Variants in GRM7 observed in about 807,000 individuals in gnomAD.
GRM7 encodes glutamate metabotropic receptor 7, also known as metabotropic glutamate receptor 7.
A neutral mutation model predicts 84.5 loss-of-function variants in GRM7; 35 were observed. The observed-to-expected ratio is 0.41, with a 90% CI of 0.32 to 0.55. The LOEUF (loss-of-function observed/expected upper bound fraction) is 0.55, where lower values mean the gene tolerates loss of function less well. Among genes scored for constraint, GRM7 ranks in the 20% least tolerant of loss-of-function variants. The pLI is 0.19. For missense variants in GRM7, 1,003 were observed against 1,194.6 expected (o/e 0.84, Z 2.36); for synonymous variants, 487 against 455.1 (o/e 1.07, Z -0.89).
intron 2 of GRM7, among the ~76,000 whole-genome samples, chr3:7,210,382 G>A (rs760467270): frequency 2.0e-5 from 3 of 152,180 alleles, no homozygotes; most frequent in Non-Finnish European, 2.9e-5. Flanking sequence ...TGCTGATGAG[G>A]CTTGTAATAT....
intron 8 of GRM7, among the ~76,000 whole-genome samples, chr3:7,594,359 T>C (rs147705663): frequency 6.6e-6 from 1 of 152,296 alleles, no homozygotes; most frequent in Non-Finnish European, 1.5e-5. Flanking sequence ...ACATAGGTTA[T>C]AAGAATGCCA....
chr3:7,096,576 C>T (rs563437506), intron 1 of GRM7, among the ~76,000 whole-genome samples: 21 of 152,180 alleles, frequency 1.4e-4, no homozygotes, highest in Non-Finnish European at 2.4e-4. Flanking sequence ...CATTGAGCTT[C>T]GGTGTCCAGA....
At chr3:6,955,099 G>A (rs1372498086) in intron 1 of GRM7, among the ~76,000 whole-genome samples, 1 of 152,154 alleles carries the variant, frequency 6.6e-6, no homozygotes, top group Non-Finnish European at 1.5e-5. Context: ...TATAGTATCT[G>A]TCACCCTAGG....
intron 1 of GRM7, among the ~76,000 whole-genome samples, chr3:6,897,127 A>G (rs748704507): frequency 7.9e-5 from 12 of 152,172 alleles, no homozygotes; most frequent in Non-Finnish European, 1.2e-4. Context: ...ATAATATCTC[A>G]TTGTTCTTTT....
chr3:7,659,531 C>T (rs1194341929), intron 8 of GRM7, among the ~76,000 whole-genome samples: 3 of 152,120 alleles, frequency 2.0e-5, no homozygotes, highest in African/African-American at 4.8e-5. Flanking sequence ...GAATTCTCCT[C>T]ATAGGTTATA....
chr3:7,388,027 A>G (rs1240491278), intron 4 of GRM7, among the ~76,000 whole-genome samples: 2 of 151,930 alleles, frequency 1.3e-5, no homozygotes, highest in Admixed American at 1.3e-4. Flanking sequence ...ATATATTCCT[A>G]GGTATCTTAT....
At chr3:7,002,115 A>T (rs1290617104) in intron 1 of GRM7, among the ~76,000 whole-genome samples, 2 of 152,202 alleles carry the variant, frequency 1.3e-5, no homozygotes, top group African/African-American at 4.8e-5. Flanking sequence ...TAGTTTAAAA[A>T]ATTTGGGAAG....
At chr3:6,961,285 C>T (rs1330618099) in intron 1 of GRM7, among the ~76,000 whole-genome samples, 15 of 152,190 alleles carry the variant, frequency 9.9e-5, no homozygotes. Context: ...AGGCCCCTTT[C>T]AGATCTCTGA....
chr3:7,377,645 A>G (rs1017079667), intron 4 of GRM7, among the ~76,000 whole-genome samples: 1 of 152,186 alleles, frequency 6.6e-6, no homozygotes, highest in Non-Finnish European at 1.5e-5. Flanking sequence ...AGATGTTGAT[A>G]TCTTTGTGCT....
chr3:7,513,567 C>G (rs1288225247), intron 7 of GRM7, among the ~76,000 whole-genome samples: 1 of 151,988 alleles, frequency 6.6e-6, no homozygotes, highest in African/African-American at 2.4e-5. Flanking sequence ...CAACAGTTAA[C>G]AAAAATTCAT....
At chr3:7,701,863 C>G (rs1701241656) in intron 9 of GRM7, among the ~76,000 whole-genome samples, 1 of 152,180 alleles carries the variant, frequency 6.6e-6, no homozygotes. Flanking sequence ...AGCTCCATGA[C>G]AGTGGGAACC....
intron 7 of GRM7, among the ~76,000 whole-genome samples, chr3:7,541,151 T>C (rs1222247194): frequency 1.3e-5 from 2 of 152,192 alleles, no homozygotes; most frequent in Non-Finnish European, 2.9e-5. Flanking sequence ...GAGATCAACC[T>C]TTATCATGCT....
At chr3:6,977,050 C>T (rs1694026683) in intron 1 of GRM7, among the ~76,000 whole-genome samples, 1 of 152,146 alleles carries the variant, frequency 6.6e-6, no homozygotes, top group African/African-American at 2.4e-5. Context: ...CTCAGAATGA[C>T]TGCTGGCCAT....
intron 2 of GRM7, among the ~76,000 whole-genome samples, chr3:7,167,755 G>A (rs1297611787): frequency 6.6e-6 from 1 of 151,892 alleles, no homozygotes; most frequent in Non-Finnish European, 1.5e-5. Context: ...GGATCACGAG[G>A]TCAGGAGATT....
intron 2 of GRM7, among the ~76,000 whole-genome samples, chr3:7,155,143 A>G (rs1056824049): frequency 2.6e-5 from 4 of 152,144 alleles, no homozygotes; most frequent in African/African-American, 7.2e-5. Context: ...CACTCATATC[A>G]TGGTGCTCAA....
chr3:7,590,762 T>C (rs1386751570), intron 8 of GRM7, among the ~76,000 whole-genome samples: 1 of 152,128 alleles, frequency 6.6e-6, no homozygotes, highest in Non-Finnish European at 1.5e-5. Context: ...CAGACACATA[T>C]CATGGCTTCC....
At chr3:7,738,174 C>T (rs1260204400) in intron 9 of GRM7, among the ~76,000 whole-genome samples, 5 of 152,014 alleles carry the variant, frequency 3.3e-5, no homozygotes, top group Admixed American at 1.3e-4. Flanking sequence ...AAGGCTACAA[C>T]GAGTTCATTA....
At chr3:6,935,821 A>G (rs1575035386) in intron 1 of GRM7, among the ~76,000 whole-genome samples, 1 of 151,714 alleles carries the variant, frequency 6.6e-6, no homozygotes, top group African/African-American at 2.4e-5. Context: ...TCAGCCTCCC[A>G]AGTAGCTTGG....
At chr3:7,011,477 T>C (rs764715520) in intron 1 of GRM7, among the ~76,000 whole-genome samples, 7 of 152,212 alleles carry the variant, frequency 4.6e-5, no homozygotes, top group Non-Finnish European at 1.0e-4. Context: ...TTTGGTGGTA[T>C]CTTACCATCA....
Sources: gnomAD v4.1 joint callset for allele counts (sites outside exome capture counted in the v4.1 genomes callset) on GRCh38, gnomAD v4.1.1 for gene constraint, MANE v1.5 for transcripts, NCBI Gene and HGNC (gene_info 2026-07-23, HGNC 2026-07-21) for gene names.